ITGB6: variants seen among roughly 807,000 people sequenced by gnomAD.
ITGB6 encodes the protein integrin beta-6.
In ITGB6, 80 loss-of-function variants were observed where a neutral mutation model predicts 84.5. The ratio of observed to expected loss-of-function variants is 0.95; its 90% CI spans 0.79 to 1.14. The LOEUF is 1.14. Ranked by LOEUF, ITGB6 falls within the 50% of genes most tolerant of loss-of-function variation. The pLI, the probability that ITGB6 is intolerant of heterozygous loss-of-function variation, is 0.00. For synonymous variants in ITGB6, 383 were observed against 354.9 expected, an observed-to-expected ratio of 1.08 and a Z score of -0.89; for missense variants, 1,006 against 968.0, an observed-to-expected ratio of 1.04 and a Z score of -0.52.
At chr2:160,156,050 A>G (rs1219634802) in intron 7 of ITGB6, among the ~76,000 whole-genome samples, 1 of 152,230 alleles carries the variant, frequency 6.6e-6, no homozygotes, top group Admixed American at 6.5e-5. Context: ...CTACTCCTAT[A>G]GAAATGGGCC....
chr2:160,101,402 A>T lies in ITGB6; in HGVS notation c.*334T>A, dbSNP rs1696713247. The T allele has an allele frequency of 1.1e-5, 3 of 266,512 alleles. No individual in the cohort carries two copies. The highest frequency in any genetic ancestry group is 7.1e-6 in the Non-Finnish European group (1 of 141,418). The allele number at this position is 266,512 out of a possible 1,614,324, so 16.5% of individuals were successfully genotyped here. A position where few individuals can be genotyped will look rare whatever the true frequency, so the allele number is the denominator to read the frequency against. On this transcript the variant is annotated 3_prime_UTR_variant, in exon 15 of 15. Transcript: ENST00000283249. ...CGAGACAAAAAACTCAGGTAGCTGC[A>T]TTCCTGAAACAAATGAGACTCTAAT...
intron 6 of ITGB6, among the ~76,000 whole-genome samples, chr2:160,172,151 C>G (rs1260543799): frequency 6.6e-6 from 1 of 152,144 alleles, no homozygotes; most frequent in African/African-American, 2.4e-5. Context: ...CAAGCCATAC[C>G]TGACTAGTTG....
intron 4 of ITGB6, among the ~76,000 whole-genome samples, chr2:160,192,833 G>T: frequency 6.6e-6 from 1 of 151,952 alleles, no homozygotes; most frequent in East Asian, 1.9e-4. Flanking sequence ...CAAAAGATTT[G>T]AAAAGAAACC....
chr2:160,122,147 A>G (rs1383268810), intron 12 of ITGB6, among the ~76,000 whole-genome samples: 1 of 152,154 alleles, frequency 6.6e-6, no homozygotes, highest in East Asian at 1.9e-4. Context: ...AAATGGTATT[A>G]GTAATCCAAT....
chr2:160,120,081 A>G (rs1421748659), intron 12 of ITGB6, among the ~76,000 whole-genome samples: 1 of 151,416 alleles, frequency 6.6e-6, no homozygotes, highest in Non-Finnish European at 1.5e-5. Flanking sequence ...ACTGTAAACT[A>G]GTTCAACCAT....
intron 12 of ITGB6, among the ~76,000 whole-genome samples, chr2:160,114,517 G>C (rs895438876): frequency 1.3e-5 from 2 of 152,154 alleles, no homozygotes; most frequent in Non-Finnish European, 2.9e-5. Context: ...TACAAAGCAG[G>C]GGGGTGGAGC....
Position 160,107,746 on chromosome 2 carries a change from A to G in ITGB6, c.2201T>C (p.Val734Ala). 1 of 1,614,102 alleles carries G rather than the reference A, an allele frequency of 6.2e-7. No individual in the cohort carries two copies. Among genetic ancestry groups the G allele is most frequent in the Non-Finnish European group, 8.5e-7 (1 of 1,179,952 alleles). ...VVLLCIWKLL[V>A]SFHDRKEVAK... ...AACTTCTTTACGATCATGAAATGAC[A>G]CCAGTAGCTTCCAGATGCACAGTAG... Residue 734 changes from valine (V) to alanine (A), a missense_variant, in exon 14 of 15, where the codon GTG becomes GCG. Val to Ala is a moderately conservative substitution (Grantham distance 64). Coordinates refer to ENST00000283249, the MANE Select transcript of ITGB6 (RefSeq NM_000888.5).
At chr2:160,167,891 T>C (rs1203087926) in intron 7 of ITGB6, among the ~76,000 whole-genome samples, 1 of 152,150 alleles carries the variant, frequency 6.6e-6, no homozygotes, top group African/African-American at 2.4e-5. Flanking sequence ...ACTGGAGCCT[T>C]GCTGTGGAGA....
At chr2:160,198,247 G>T (rs1266557085) in intron 2 of ITGB6, among the ~76,000 whole-genome samples, 2 of 152,158 alleles carry the variant, frequency 1.3e-5, no homozygotes, top group Non-Finnish European at 2.9e-5. Flanking sequence ...GTTGGTCAAG[G>T]CCGTAGTAAG....
At chr2:160,155,468 A>T (rs546006350) in intron 7 of ITGB6, among the ~76,000 whole-genome samples, 1 of 152,314 alleles carries the variant, frequency 6.6e-6, no homozygotes, top group Non-Finnish European at 1.5e-5. Flanking sequence ...GGTGATAATG[A>T]TGTATCAATG....
chr2:160,142,158 C>T (rs1684024055), intron 7 of ITGB6, 87 bp from the exon 8 acceptor site: 3 of 738,604 alleles, frequency 4.1e-6, no homozygotes, highest in Admixed American at 2.8e-5. Context: ...CTATGATTGC[C>T]TCTATTTAAC....
chr2:160,106,493 C>A (rs1327309444), intron 14 of ITGB6, among the ~76,000 whole-genome samples: 1 of 152,164 alleles, frequency 6.6e-6, no homozygotes, highest in African/African-American at 2.4e-5. Flanking sequence ...CCTGTCTTGG[C>A]CTCCCAAAGT....
intron 10 of ITGB6, among the ~76,000 whole-genome samples, chr2:160,131,450 T>C (rs1170658757): frequency 6.6e-6 from 1 of 152,178 alleles, no homozygotes; most frequent in Non-Finnish European, 1.5e-5. Flanking sequence ...ACACAAGTTG[T>C]GAGCTGTAGC....
chr2:160,171,397 C>T (rs60947267), intron 6 of ITGB6, among the ~76,000 whole-genome samples: 4,633 of 144,774 alleles, frequency 0.032, 195 homozygotes, highest in African/African-American at 0.11. Context: ...TGCAGTGGTG[C>T]GATCTTGGCT....
At chr2:160,113,052 C>T (rs1217534189) in intron 12 of ITGB6, among the ~76,000 whole-genome samples, 1 of 152,142 alleles carries the variant, frequency 6.6e-6, no homozygotes, top group African/African-American at 2.4e-5. Context: ...AAGTTGGAGA[C>T]TTTTCAATGA....
intron 10 of ITGB6, among the ~76,000 whole-genome samples, chr2:160,127,494 A>G (rs13401953): frequency 0.11 from 16,900 of 152,220 alleles, 1,702 homozygotes; most frequent in East Asian, 0.29. Flanking sequence ...CTTTCTGAAC[A>G]GAACCAATGT....
intron 14 of ITGB6, among the ~76,000 whole-genome samples, chr2:160,102,168 T>C (rs977150085): frequency 2.0e-5 from 3 of 152,128 alleles, no homozygotes; most frequent in Non-Finnish European, 4.4e-5. Context: ...ACTCAGTATG[T>C]ATGGAATGAG....
Position 160,137,718 on chromosome 2 carries a change from T to C in ITGB6, c.1376A>G (p.Glu459Gly), listed in dbSNP as rs1683808199. 1 of 1,614,198 alleles carries C rather than the reference T, an allele frequency of 6.2e-7. No individual in the cohort carries two copies. The highest frequency in any genetic ancestry group is 2.2e-5 in the East Asian group (1 of 44,884). ...ACATTTGGAGCTGTTCACTTCCACT[T>C]CTTTCTGACAGTCGCAGTTGCATTC... ...SPECNCDCQK[E>G]VEVNSSKCHH... Residue 459 changes from glutamate (E) to glycine (G), a missense_variant, in exon 10 of 15, where the codon GAA (glutamate) becomes GGA (glycine). Physicochemically the swap from Glu to Gly is moderately conservative, Grantham distance 98. Transcript: ENST00000283249.
chr2:160,188,962 G>T (rs1686026041), intron 4 of ITGB6, among the ~76,000 whole-genome samples: 1 of 152,008 alleles, frequency 6.6e-6, no homozygotes, highest in Admixed American at 6.6e-5. Flanking sequence ...ATACTACAAG[G>T]CTACAGTAAC....
Sources: gnomAD v4.1 joint callset for allele counts (sites outside exome capture counted in the v4.1 genomes callset) on GRCh38, gnomAD v4.1.1 for gene constraint, MANE v1.5 for transcripts, NCBI Gene and HGNC (gene_info 2026-07-23, HGNC 2026-07-21) for gene names.